The following LONP1 variants were observed in gnomAD, a reference collection of about 807,000 sequenced individuals.
LONP1 encodes the protein lon protease homolog, mitochondrial.
Under a neutral mutation model 98.5 loss-of-function variants are expected in LONP1, and 31 were observed. The ratio of observed to expected loss-of-function variants is 0.31; its 90% confidence interval spans 0.24 to 0.42. The LOEUF is 0.42. Ranked by LOEUF, LONP1 falls within the 20% of genes least tolerant of loss-of-function variation. The pLI, the probability that LONP1 is intolerant of heterozygous loss-of-function variation, is 1.00. For missense variants in LONP1, 1,336 were observed against 1,350.6 expected (o/e 0.99, Z 0.17); for synonymous variants, 781 against 594.7 (o/e 1.31, Z -4.56).
At chr19:5,701,464 G>A (rs1360228644) in intron 8 of LONP1, among the ~76,000 whole-genome samples, 2 of 152,196 alleles carry the variant, frequency 1.3e-5, no homozygotes, top group Non-Finnish European at 2.9e-5. Context: ...CCGAGTGCCT[G>A]CGATTGCAGG....
At position 5,700,845 on chromosome 19, in the gene LONP1, G is replaced by C. The variant is rs2145596308; in HGVS notation, c.1450C>G (p.Gln484Glu). 1 of 1,614,216 alleles carries C rather than the reference G, an allele frequency of 6.2e-7. No individual in the cohort carries two copies. The highest frequency in any genetic ancestry group is 8.5e-7 in the Non-Finnish European group (1 of 1,180,036). ...SNENLDLARA[Q>E]AVLEEDHYGM... ...TAGTGGTCTTCCTCCAGCACTGCCT[G>C]TGCCCGCGCCAGGTCCAGGTTCTCG... is the stretch of plus-strand genomic sequence containing the variant. Residue 484 changes from glutamine (Q) to glutamate (E), a missense_variant, in exon 9 of 18, where the codon CAG (glutamine) becomes GAG (glutamate). Physicochemically the swap from Gln to Glu is conservative, Grantham distance 29. Transcript: ENST00000360614.
chr19:5,693,718 T>C lies in LONP1; in HGVS notation c.2372A>G (p.Asp791Gly), dbSNP rs965748605. 2.5e-6 allele frequency: 4 copies of C among 1,614,058 alleles called. No individual in the cohort carries two copies. Among genetic ancestry groups the C allele is most frequent in the African/African-American group, 1.3e-5 (1 of 75,012 alleles). ...ETSLRRPQDK[D>G]AKGDKDGSLE... ...GCTGCCATCCTTGTCACCCTTGGCA[T>C]CCTTGTCCTGTGGCCGTCTCAGGGA... Residue 791 changes from aspartate to glycine, a missense_variant, in exon 16 of 18, where the codon GAT becomes GGT. Physicochemically the swap from Asp to Gly is moderately conservative, Grantham distance 94. This residue lies in a region of LONP1 where 555 missense variants were observed against 542.6 expected (regional missense o/e 1.02). Coordinates refer to ENST00000360614, the MANE Select transcript of LONP1 (RefSeq NM_004793.4).
At chr19:5,694,339 G>T (rs780726244) in intron 15 of LONP1, 48 bp downstream of exon 15, 2 of 1,600,526 alleles carry the variant, frequency 1.2e-6, no homozygotes, top group South Asian at 1.1e-5. Flanking sequence ...CTTGTTCTCG[G>T]GTAGAAATGG....
At position 5,696,304 on chromosome 19, in the gene LONP1, T is replaced by C; in HGVS notation, c.1841A>G (p.Glu614Gly). 6.2e-7 allele frequency: 1 copy of C among 1,613,372 alleles called. No homozygotes were observed. The highest frequency in any genetic ancestry group is 8.5e-7 in the Non-Finnish European group (1 of 1,179,894). Residue 614 changes from glutamate to glycine, a missense_variant, in exon 12 of 18, where the codon GAG (glutamate) becomes GGG (glycine). By Grantham distance (98) the Glu-to-Gly change is moderately conservative. Coordinates refer to ENST00000360614, the MANE Select transcript of LONP1 (RefSeq NM_004793.4). Reference protein sequence around the residue: ...SSALLELLDPEQNANFLDHYL... With the variant: ...SSALLELLDPGQNANFLDHYL... ...GTGGTCCAGGAAGTTGGCATTCTGC[T>C]CTGGGTCCAGCAGCTCCAGCAGTGC... is the stretch of plus-strand genomic sequence containing the variant.
chr19:5,711,999 G>A lies in LONP1; in HGVS notation c.642C>T (p.Val214=). 4 of 1,611,226 alleles carry A rather than the reference G, an allele frequency of 2.5e-6. No homozygotes were observed. Among genetic ancestry groups the A allele is most frequent in the Non-Finnish European group, 2.5e-6 (3 of 1,178,756 alleles). The change falls in exon 4 of 18, where the codon GTC becomes GTT. Residue 214 remains valine (V), a synonymous_variant. Coordinates refer to ENST00000360614, the MANE Select transcript of LONP1 (RefSeq NM_004793.4). ...LRMIVMGHRR[V]HISRQLEVEP... ...CCACCTCCAGCTGTCTGCTGATATG[G>A]ACTCTGACACGGGAGCAAGGCAGGT...
At chr19:5,707,595 T>G in intron 6 of LONP1, 102 bp downstream of exon 6, 1 of 1,258,126 alleles carries the variant, frequency 7.9e-7, no homozygotes, top group African/African-American at 1.5e-5. Flanking sequence ...CAGCCAGGCA[T>G]GGGGGAGCTG....
intron 8 of LONP1, among the ~76,000 whole-genome samples, chr19:5,702,539 C>T (rs895120430): frequency 6.7e-6 from 1 of 149,934 alleles, no homozygotes; most frequent in Non-Finnish European, 1.5e-5. Flanking sequence ...CCCAACAGCT[C>T]ATTGAGAACG....
chr19:5,693,027 C>T (rs551541078), intron 17 of LONP1, among the ~76,000 whole-genome samples: 102 of 152,266 alleles, frequency 6.7e-4, no homozygotes, highest in Non-Finnish European at 1.3e-3. Flanking sequence ...TCTCCCTTGG[C>T]GCTGGGCTGC....
chr19:5,708,446 C>T, intron 4 of LONP1, 43 bp from the exon 5 acceptor site: 1 of 1,278,788 alleles, frequency 7.8e-7, no homozygotes, highest in Non-Finnish European at 1.1e-6. Context: ...AGCAGTGCTC[C>T]AGCAGGGGGT....
chr19:5,701,410 T>C (rs1404354277), intron 8 of LONP1, among the ~76,000 whole-genome samples: 4 of 152,218 alleles, frequency 2.6e-5, no homozygotes, highest in Non-Finnish European at 4.4e-5. Context: ...GCTGCCATCT[T>C]GGCTCACTGC....
intron 1 of LONP1, among the ~76,000 whole-genome samples, chr19:5,715,829 G>GTA (rs2055309747): frequency 6.6e-6 from 1 of 151,748 alleles, no homozygotes; most frequent in Non-Finnish European, 1.5e-5. Context: ...GCTAATTTTT[G>GTA]TATTATTAGT....
intron 15 of LONP1, 26 bp downstream of exon 15, chr19:5,694,361 G>A (rs1395421793): frequency 1.2e-5 from 20 of 1,607,770 alleles, no homozygotes; most frequent in Admixed American, 1.7e-5. Flanking sequence ...AATGGCTTTG[G>A]GGTCTTCTCC....
At chr19:5,705,382 C>T (rs1482944741) in intron 8 of LONP1, among the ~76,000 whole-genome samples, 4 of 151,198 alleles carry the variant, frequency 2.6e-5, no homozygotes, top group East Asian at 1.9e-4. Flanking sequence ...TGCTTGAACC[C>T]GCAAAGCGGA....
At chr19:5,719,661 G>T (rs1313182323) in intron 1 of LONP1, 43 bp downstream of exon 1, 1 of 1,613,166 alleles carries the variant, frequency 6.2e-7, no homozygotes, top group East Asian at 2.2e-5. Flanking sequence ...CCCGCTGCTT[G>T]CACAGGTGGG....
chr19:5,713,310 G>A (rs2055266943), intron 2 of LONP1, 57 bp from the exon 3 acceptor site: 1 of 1,585,342 alleles, frequency 6.3e-7, no homozygotes, highest in Admixed American at 1.7e-5. Context: ...TAGGCAGGAT[G>A]TCTCTGGCTG....
intron 8 of LONP1, among the ~76,000 whole-genome samples, chr19:5,702,175 G>A (rs987554982): frequency 7.3e-5 from 11 of 150,092 alleles, no homozygotes; most frequent in South Asian, 6.3e-4. Context: ...CCCTCTGCCC[G>A]GCCAGCCGCC....
chr19:5,711,667 G>A (rs1296949093), intron 4 of LONP1, 104 bp downstream of exon 4: 1 of 925,790 alleles, frequency 1.1e-6, no homozygotes, highest in Non-Finnish European at 1.7e-6. Context: ...CCCTTCCTAA[G>A]GGGCTCAGGG....
chr19:5,715,189 C>T (rs2055296242), intron 1 of LONP1: 1 of 151,950 alleles, frequency 6.6e-6, no homozygotes, highest in Admixed American at 6.6e-5. Context: ...GGTCAGAACC[C>T]AGAAATTGAT....
chr19:5,719,814 G>C lies in LONP1; in HGVS notation c.319C>G (p.Pro107Ala), dbSNP rs1340757916. The change falls in exon 1 of 18, where the codon CCG becomes GCG. Residue 107 changes from proline to alanine, a missense_variant. Physicochemically the swap from Pro to Ala is conservative, Grantham distance 27. This residue lies in a region of LONP1 where 457 missense variants were observed against 403.1 expected (regional missense o/e 1.13). Coordinates refer to ENST00000360614, the MANE Select transcript of LONP1 (RefSeq NM_004793.4). The part of the protein sequence containing the change: ...AGGSAGAGEG[P>A]VITALTPMTI... ...ATGGGCGTGAGCGCCGTTATGACCG[G>C]GCCTTCCCCGGCGCCCGCGCTGCCC... The C allele has an allele frequency of 1.9e-6, 3 of 1,611,240 alleles. No individual in the cohort carries two copies. Among genetic ancestry groups the C allele is most frequent in the South Asian group, 1.1e-5 (1 of 91,030 alleles).
Sources: allele counts gnomAD v4.1 joint callset (sites outside exome capture counted in the v4.1 genomes callset), GRCh38; gene constraint gnomAD v4.1.1; regional missense constraint gnomAD v4.1.1; transcripts MANE v1.5; gene names NCBI Gene and HGNC (gene_info 2026-07-23, HGNC 2026-07-21).